The following NR3C2 variants were observed in gnomAD, a reference collection of about 807,000 sequenced individuals.
NR3C2 encodes mineralocorticoid receptor.
NR3C2 carries 15 observed loss-of-function variants against 86.4 expected under a neutral mutation model. The observed-to-expected ratio is 0.17, with a 90% CI of 0.12 to 0.27. The LOEUF is 0.27. Ranked by LOEUF, NR3C2 falls within the 10% of genes least tolerant of loss-of-function variation. The pLI, the probability that NR3C2 is intolerant of heterozygous loss-of-function variation, is 1.00. For missense variants in NR3C2, 960 were observed against 1,195.6 expected, an observed-to-expected ratio of 0.80 and a Z score of 2.91; for synonymous variants, 458 against 450.5, an observed-to-expected ratio of 1.02 and a Z score of -0.21.
chr4:148,289,804 T>C (rs1302837220), intron 2 of NR3C2, among the ~76,000 whole-genome samples: 1 of 152,130 alleles, frequency 6.6e-6, no homozygotes, highest in Non-Finnish European at 1.5e-5. Flanking sequence ...CTTGCTTGCT[T>C]GCTCTGATAA....
At chr4:148,152,121 A>G (rs1050324578) in intron 6 of NR3C2, among the ~76,000 whole-genome samples, 1 of 152,124 alleles carries the variant, frequency 6.6e-6, no homozygotes, top group Non-Finnish European at 1.5e-5. Flanking sequence ...TAGAAATTAG[A>G]TTGTCTTCCC....
intron 2 of NR3C2, among the ~76,000 whole-genome samples, chr4:148,406,825 C>A (rs970952099): frequency 1.5e-4 from 23 of 152,118 alleles, no homozygotes; most frequent in Admixed American, 1.5e-3. Context: ...AATTTCTTAA[C>A]CATCAGAATG....
intron 3 of NR3C2, among the ~76,000 whole-genome samples, chr4:148,249,753 A>G (rs997409107): frequency 6.6e-6 from 1 of 152,214 alleles, no homozygotes; most frequent in Non-Finnish European, 1.5e-5. Flanking sequence ...TTAGCAAGAC[A>G]GCACACACAG....
chr4:148,160,673 G>A (rs550117884), intron 4 of NR3C2, among the ~76,000 whole-genome samples: 2 of 152,174 alleles, frequency 1.3e-5, no homozygotes, highest in East Asian at 1.9e-4. Flanking sequence ...TTAGGTCTTG[G>A]CAGTAAACAT....
intron 3 of NR3C2, among the ~76,000 whole-genome samples, chr4:148,233,348 T>C (rs942206088): frequency 7.1e-6 from 1 of 141,468 alleles, no homozygotes; most frequent in African/African-American, 2.6e-5. Context: ...GGATTATTAA[T>C]AGGAATAATT....
intron 7 of NR3C2, 33 bp from the exon 8 acceptor site, chr4:148,114,294 A>G (rs377128055): frequency 3.2e-5 from 51 of 1,611,808 alleles, no homozygotes; most frequent in Non-Finnish European, 3.5e-5. Context: ...GTAAATTTCC[A>G]GGATGGAAAA....
At position 148,122,844 on chromosome 4, in the gene NR3C2, C is replaced by T. The variant is rs541084903; in HGVS notation, c.2511-2556G>A. The stretch of plus-strand genomic sequence containing the variant: ...AGGACCATGGTGAAAATTGTGTTAA[C>T]TGTACAAATTGATTGTAAAACGTGT... On this transcript the variant is annotated intron_variant, in intron 6 of 8. Transcript: ENST00000358102. Among the ~76,000 whole-genome samples, 3 of 152,234 alleles carry T rather than the reference C, an allele frequency of 2.0e-5. No homozygotes were observed. The South Asian group carries it at 6.2e-4, about 32-fold the overall frequency.
At chr4:148,304,851 G>A (rs1579129981) in intron 2 of NR3C2, among the ~76,000 whole-genome samples, 1 of 151,798 alleles carries the variant, frequency 6.6e-6, no homozygotes, top group East Asian at 1.9e-4. Context: ...CCTGTGTGGT[G>A]GCCTGGTATT....
At chr4:148,272,283 C>T (rs1740725704) in intron 2 of NR3C2, among the ~76,000 whole-genome samples, 1 of 152,238 alleles carries the variant, frequency 6.6e-6, no homozygotes, top group Admixed American at 6.5e-5. Context: ...ATGTATCAAG[C>T]CTGTTTAAAA....
chr4:148,335,592 T>G (rs1744446513), intron 2 of NR3C2, among the ~76,000 whole-genome samples: 1 of 152,116 alleles, frequency 6.6e-6, no homozygotes, highest in Admixed American at 6.6e-5. Flanking sequence ...TAAAATTTAT[T>G]TAAAGTAATA....
Position 148,436,819 on chromosome 4 carries a change from A to T in NR3C2, c.42T>A (p.Asp14Glu). 6.2e-7 allele frequency: 1 copy of T among 1,612,612 alleles called. No individual in the cohort carries two copies. Among genetic ancestry groups the T allele is most frequent in the African/African-American group, 1.3e-5 (1 of 75,044 alleles). Residue 14 changes from aspartate to glutamate, a missense_variant, in exon 2 of 9, where the codon GAT (aspartate) becomes GAA (glutamate). By Grantham distance (45) the Asp-to-Glu change is conservative. Transcript: ENST00000358102. Reference sequence around the variant, plus strand: ...AAACTTGACCCCACCGTCTTTCCATATCTAGACCTTCAGGGAGACTGTGGT... The same window carrying T: ...AAACTTGACCCCACCGTCTTTCCATTTCTAGACCTTCAGGGAGACTGTGGT... ...KGYHSLPEGL[D>E]MERRWGQVSQ...
intron 2 of NR3C2, among the ~76,000 whole-genome samples, chr4:148,433,179 A>G (rs1018400202): frequency 1.3e-5 from 2 of 152,180 alleles, no homozygotes; most frequent in African/African-American, 4.8e-5. Context: ...GTGGAGCATG[A>G]AAACTACATT....
intron 6 of NR3C2, among the ~76,000 whole-genome samples, chr4:148,136,468 C>T (rs954650600): frequency 2.8e-4 from 42 of 152,046 alleles, no homozygotes; most frequent in Non-Finnish European, 4.6e-4. Flanking sequence ...TTGACAGCTT[C>T]AACTCTGGAT....
Position 148,173,249 on chromosome 4 carries a change from A to G in NR3C2, c.2015-18348T>C, listed in dbSNP as rs563778545. Among the ~76,000 whole-genome samples the G allele has an allele frequency of 4.6e-5, 7 of 152,368 alleles. No homozygotes were observed. The South Asian group carries it at 1.2e-3, about 27-fold the overall frequency. On this transcript the variant is annotated intron_variant, in intron 4 of 8. Transcript: ENST00000358102. ...AAGAATAACGAAGACTTCACCTCCC[A>G]ATCCCTGGGATCTGTGAATGTGTCA...
chr4:148,236,422 T>C (rs1255467190), intron 3 of NR3C2, among the ~76,000 whole-genome samples: 1 of 152,148 alleles, frequency 6.6e-6, no homozygotes, highest in Non-Finnish European at 1.5e-5. Context: ...GCTTTTCATA[T>C]GGGTGAAAAG....
At chr4:148,175,162 AAAAAC>A (rs1240078588) in intron 4 of NR3C2, among the ~76,000 whole-genome samples, 4 of 152,186 alleles carry the variant, frequency 2.6e-5, no homozygotes, top group African/African-American at 4.8e-5. Flanking sequence ...CACTAAATCA[AAAAAC>A]AAAACAAAAC....
At chr4:148,318,410 CA>C (rs1743341678) in intron 2 of NR3C2, among the ~76,000 whole-genome samples, 1 of 150,362 alleles carries the variant, frequency 6.7e-6, no homozygotes, top group Admixed American at 6.6e-5. Context: ...ATGGCTGGGT[CA>C]AATGGTATTT....
At chr4:148,186,381 T>C (rs923679158) in intron 4 of NR3C2, among the ~76,000 whole-genome samples, 1 of 152,176 alleles carries the variant, frequency 6.6e-6, no homozygotes, top group Non-Finnish European at 1.5e-5. Context: ...TGTCTATAAG[T>C]TGTATTTCCT....
chr4:148,093,550 CG>C (rs1560917388), intron 8 of NR3C2, among the ~76,000 whole-genome samples: 1 of 152,062 alleles, frequency 6.6e-6, no homozygotes, highest in Admixed American at 6.5e-5. Context: ...AGCATTGGGG[CG>C]GGGGATATTG....
Sources: gnomAD v4.1 joint callset for allele counts (sites outside exome capture counted in the v4.1 genomes callset) on GRCh38, gnomAD v4.1.1 for gene constraint, MANE v1.5 for transcripts, NCBI Gene and HGNC (gene_info 2026-07-23, HGNC 2026-07-21) for gene names.